TMBIM6: variants seen among roughly 807,000 people sequenced by gnomAD.
TMBIM6 encodes the protein transmembrane BAX inhibitor motif containing 6.
TMBIM6 carries 13 observed loss-of-function variants against 31.4 expected under a neutral mutation model. The observed-to-expected ratio is 0.41, with a 90% CI of 0.27 to 0.66. TMBIM6 has a LOEUF of 0.66. TMBIM6 is among the 30% of genes least tolerant of loss of function. The probability of loss-of-function intolerance (pLI) is 0.28; values close to 1 mark genes in which losing one functional copy is unlikely to be tolerated. For synonymous variants in TMBIM6, 85 were observed against 101.7 expected, an observed-to-expected ratio of 0.84 and a Z score of 0.99; for missense variants, 275 against 289.5, an observed-to-expected ratio of 0.95 and a Z score of 0.36.
At chr12:49,752,636 A>G in intron 2 of TMBIM6, 87 bp downstream of exon 2, 1 of 1,146,950 alleles carries the variant, frequency 8.7e-7, no homozygotes, top group Non-Finnish European at 1.3e-6. Flanking sequence ...TTTTGTGTGT[A>G]TAAGCTAACA....
At position 49,758,460 on chromosome 12, in the gene TMBIM6, G is replaced by T. The variant is rs536822206; in HGVS notation, c.413G>T (p.Arg138Leu). The T allele has an allele frequency of 1.2e-6, 2 of 1,614,044 alleles. No homozygotes were observed. Among genetic ancestry groups the T allele is most frequent in the African/African-American group, 2.7e-5 (2 of 74,912 alleles). Residue 138 changes from arginine to leucine, a missense_variant, in exon 6 of 10, where the codon CGT (arginine) becomes CTT (leucine). Transcript: ENST00000267115. ...FTLSALYARRRSYLFLGGILM... is the reference protein window; with the variant it reads ...FTLSALYARRLSYLFLGGILM... The stretch of plus-strand genomic sequence containing the variant: ...CTCAGTGCACTCTATGCCAGGCGCC[G>T]TAGCTACCTCTTTCTGGGAGGTAAG...
At chr12:49,762,737 T>G in intron 9 of TMBIM6, 136 bp from the exon 10 acceptor site, 1 of 844,592 alleles carries the variant, frequency 1.2e-6, no homozygotes, top group Admixed American at 2.2e-5. Context: ...CAGTTCTTGC[T>G]GAGCTAAGGA....
At chr12:49,749,632 C>T (rs886383399) in intron 1 of TMBIM6, 3 of 152,154 alleles carry the variant, frequency 2.0e-5, no homozygotes, top group South Asian at 2.1e-4. Context: ...AGGGTTTCGC[C>T]GTGTTGGCCA....
intron 1 of TMBIM6, among the ~76,000 whole-genome samples, chr12:49,750,042 TAAATC>T (rs1183593525): frequency 9.2e-5 from 14 of 152,332 alleles, no homozygotes; most frequent in Admixed American, 2.6e-4. Context: ...AAGCTTCTAT[TAAATC>T]AAAGTGAAAT....
chr12:49,743,814 C>T (rs1945342878), intron 1 of TMBIM6, among the ~76,000 whole-genome samples: 1 of 152,140 alleles, frequency 6.6e-6, no homozygotes, highest in Non-Finnish European at 1.5e-5. Context: ...CTATAGTGGT[C>T]AGAAGACCCC....
chr12:49,746,112 T>C (rs1945388400), intron 1 of TMBIM6, among the ~76,000 whole-genome samples: 1 of 151,400 alleles, frequency 6.6e-6, no homozygotes, highest in African/African-American at 2.4e-5. Flanking sequence ...AGACAGAGTC[T>C]CACTCTGTCG....
chr12:49,742,261 G>A, intron 1 of TMBIM6: 1 of 1,606,788 alleles, frequency 6.2e-7, no homozygotes. Flanking sequence ...GCTCTTTTCG[G>A]ATTGGTTACC....
At chr12:49,751,643 C>G (rs773116896) in intron 1 of TMBIM6, among the ~76,000 whole-genome samples, 3 of 151,682 alleles carry the variant, frequency 2.0e-5, no homozygotes, top group Non-Finnish European at 4.4e-5. Context: ...AAATTTGATA[C>G]GCATATATTT....
At chr12:49,754,650 A>G (rs1387201322) in intron 3 of TMBIM6, among the ~76,000 whole-genome samples, 1 of 152,180 alleles carries the variant, frequency 6.6e-6, no homozygotes, top group East Asian at 1.9e-4. Flanking sequence ...ATGAGAATCA[A>G]CTTCTTCCTT....
chr12:49,755,536 A>G, intron 3 of TMBIM6, 99 bp from the exon 4 acceptor site: 1 of 1,453,704 alleles, frequency 6.9e-7, no homozygotes, highest in Admixed American at 2.0e-5. Context: ...AGCAAATGTT[A>G]GGAAGTTCAG....
Position 49,742,453 on chromosome 12 carries a change from C to G in TMBIM6, c.-31+842C>G, listed in dbSNP as rs1592718126. ...CTGAGTGTAGAATTACTACCCGGTG[C>G]CAGCCCGGGCTGCTTGGGGTCATCA... On this transcript the variant is annotated intron_variant, in intron 1 of 9. Coordinates refer to ENST00000267115, the MANE Select transcript of TMBIM6 (RefSeq NM_003217.3). 10 of 877,352 alleles carry G rather than the reference C, an allele frequency of 1.1e-5. No individual in the cohort carries two copies. The East Asian group carries it at 3.3e-4, about 29-fold the overall frequency. The allele number at this position is 877,352 out of a possible 1,614,324, so 54.3% of individuals were successfully genotyped here.
At chr12:49,760,736 A>C (rs963368612) in intron 8 of TMBIM6, among the ~76,000 whole-genome samples, 4 of 151,094 alleles carry the variant, frequency 2.6e-5, no homozygotes, top group Non-Finnish European at 4.4e-5. Context: ...AGGTTTTGCC[A>C]CGTTGCCCCG....
chr12:49,745,785 A>G (rs890571112), intron 1 of TMBIM6, among the ~76,000 whole-genome samples: 5 of 151,828 alleles, frequency 3.3e-5, no homozygotes, highest in African/African-American at 1.2e-4. Context: ...GATATCTGGT[A>G]TGATATTTTC....
chr12:49,745,727 A>AAAAAAAAAAAAAAAC (rs1210207143), intron 1 of TMBIM6, among the ~76,000 whole-genome samples: 3 of 151,956 alleles, frequency 2.0e-5, no homozygotes, highest in Non-Finnish European at 4.4e-5. Context: ...TCTGTCTCAA[A>AAAAAAAAAAAAAAAC]AAAAAAAACC....
At chr12:49,742,482 T>A (rs1165214278) in intron 1 of TMBIM6, 1 of 569,210 alleles carries the variant, frequency 1.8e-6, no homozygotes, top group East Asian at 3.6e-5. Context: ...GTCATCAGCC[T>A]TTCATTGACC....
intron 9 of TMBIM6, 34 bp from the exon 10 acceptor site, chr12:49,762,839 A>G (rs769424828): frequency 4.3e-6 from 7 of 1,609,716 alleles, no homozygotes; most frequent in African/African-American, 1.3e-5. Context: ...TCAAATGTCA[A>G]AAAATTAATT....
chr12:49,752,424 C>G, intron 1 of TMBIM6, 40 bp from the exon 2 acceptor site: 1 of 1,311,856 alleles, frequency 7.6e-7, no homozygotes, highest in Non-Finnish European at 1.1e-6. Context: ...TCGTGTGATT[C>G]TGTATGACTT....
Position 49,758,753 on chromosome 12 carries a change from G to A in TMBIM6, c.504G>A (p.Trp168Ter). The change falls in exon 7 of 10, where the codon TGG (tryptophan) becomes TGA (stop). Residue 168 changes from tryptophan (W) to a stop codon, truncating the protein, a stop_gained. Coordinates refer to ENST00000267115, the MANE Select transcript of TMBIM6 (RefSeq NM_003217.3). LOFTEE classifies it high-confidence loss of function. ...SLGNVFFGSI[W>*]LFQANLYVGL... Reference sequence around the variant, plus strand: ...GGAATGTTTTCTTTGGATCCATTTGGCTTTTCCAGGTAAGACTTAGCCTGG... The same window carrying A: ...GGAATGTTTTCTTTGGATCCATTTGACTTTTCCAGGTAAGACTTAGCCTGG... 6.2e-7 allele frequency: 1 copy of A among 1,613,140 alleles called. No homozygotes were observed. The highest frequency in any genetic ancestry group is 8.5e-7 in the Non-Finnish European group (1 of 1,179,950).
intron 1 of TMBIM6, chr12:49,741,858 G>C (rs1402985061): frequency 2.2e-6 from 1 of 454,110 alleles, no homozygotes; most frequent in Non-Finnish European, 3.9e-6. Context: ...GGGGTTTTGG[G>C]GGGTGTCGAG....
Sources: allele counts gnomAD v4.1 joint callset (sites outside exome capture counted in the v4.1 genomes callset), GRCh38; gene constraint gnomAD v4.1.1; transcripts MANE v1.5; gene names NCBI Gene and HGNC (gene_info 2026-07-23, HGNC 2026-07-21).